Variants in USP34 observed in about 807,000 individuals in gnomAD.
USP34 encodes ubiquitin specific peptidase 34, also known as ubiquitin carboxyl-terminal hydrolase 34.
A neutral mutation model predicts 460.3 loss-of-function variants in USP34; 70 were observed. The ratio of observed to expected loss-of-function variants is 0.15; its 90% confidence interval spans 0.13 to 0.19. The LOEUF (loss-of-function observed/expected upper bound fraction) is 0.19. Ranked by LOEUF, USP34 falls within the 10% of genes least tolerant of loss-of-function variation. USP34 has a pLI of 1.00. For missense variants in USP34, 3,985 were observed against 4,236.2 expected (o/e 0.94, Z 1.65); for synonymous variants, 1,647 against 1,405.3 (o/e 1.17, Z -3.85).
chr2:61,273,714 C>CA (rs1401584763), intron 41 of USP34, among the ~76,000 whole-genome samples: 6 of 151,648 alleles, frequency 4.0e-5, no homozygotes, highest in African/African-American at 1.2e-4. Context: ...GACACTGTCT[C>CA]AAAAAACAAA....
intron 3 of USP34, among the ~76,000 whole-genome samples, chr2:61,401,430 C>G (rs533462168): frequency 7.9e-5 from 12 of 150,986 alleles, no homozygotes; most frequent in Non-Finnish European, 1.8e-4. Flanking sequence ...TAAAGATGAG[C>G]TCTTGCTATG....
intron 48 of USP34, among the ~76,000 whole-genome samples, chr2:61,254,094 G>A (rs971798412): frequency 6.6e-6 from 1 of 152,160 alleles, no homozygotes; most frequent in Non-Finnish European, 1.5e-5. Context: ...CGACAATGTT[G>A]CTTCTATTCC....
intron 1 of USP34, among the ~76,000 whole-genome samples, chr2:61,458,031 TATTTTAAA>T (rs1695488151): frequency 6.6e-6 from 1 of 152,196 alleles, no homozygotes; most frequent in Admixed American, 6.6e-5. Context: ...ATTTTTCAGA[TATTTTAAA>T]TAAACACTGA....
intron 48 of USP34, 84 bp downstream of exon 48, chr2:61,256,300 A>C (rs984921002): frequency 2.3e-5 from 29 of 1,263,218 alleles, no homozygotes; most frequent in Non-Finnish European, 3.3e-5. Context: ...TATAATTTCC[A>C]CCAAAGTTTA....
intron 8 of USP34, among the ~76,000 whole-genome samples, chr2:61,377,099 G>T (rs1692821091): frequency 6.6e-6 from 1 of 152,154 alleles, no homozygotes; most frequent in Non-Finnish European, 1.5e-5. Flanking sequence ...TGCCAGAGAT[G>T]AATAACTCAT....
intron 27 of USP34, among the ~76,000 whole-genome samples, chr2:61,302,314 A>C (rs549258619): frequency 6.6e-6 from 1 of 152,354 alleles, no homozygotes; most frequent in East Asian, 1.9e-4. Context: ...ATGACACATA[A>C]CATTTTAAAA....
At chr2:61,417,149 C>G (rs761931006) in intron 2 of USP34, 147 of 1,576,674 alleles carry the variant, frequency 9.3e-5, no homozygotes, top group Admixed American at 1.7e-4. Context: ...ACCCTGGCCA[C>G]AGTGCCCTGG....
At chr2:61,413,962 T>TA (rs1694123315) in intron 2 of USP34, among the ~76,000 whole-genome samples, 1 of 145,342 alleles carries the variant, frequency 6.9e-6, no homozygotes, top group African/African-American at 2.5e-5. Context: ...AAATTAAAAA[T>TA]AAAAAAACAA....
intron 5 of USP34, among the ~76,000 whole-genome samples, chr2:61,384,775 ATAC>A (rs752615055): frequency 2.6e-4 from 39 of 152,158 alleles, no homozygotes; most frequent in Non-Finnish European, 4.7e-4. Flanking sequence ...CCTGTAGTAA[ATAC>A]TACGTTAATG....
rs1348616163 is a variant in USP34, at chr2:61,229,481, A to AAC, written c.7199+66_7199+67insGT. On this transcript the variant is annotated intron_variant, in intron 59 of 79. Transcript: ENST00000398571. ...TTAAAAAAAAAAAAAAAAAACAAAA[A>AAC]AAAAAAACAAAAACACCACACACAC... 3.3e-5 allele frequency: 26 copies of AAC among 795,498 alleles called. 1 individual carries two copies. Among genetic ancestry groups the AAC allele is most frequent in the Non-Finnish European group, 4.2e-5 (25 of 591,842 alleles). 49.3% of individuals were successfully genotyped at this position (795,498 alleles called of 1,614,324 possible). A position where few individuals can be genotyped will look rare whatever the true frequency, so the allele number is the denominator to read the frequency against.
chr2:61,309,035 AAAC>A (rs568927718), intron 27 of USP34, among the ~76,000 whole-genome samples: 57 of 151,378 alleles, frequency 3.8e-4, no homozygotes, highest in Admixed American at 1.5e-3. Context: ...ACTATCTCAA[AAAC>A]AACAACAACA....
intron 78 of USP34, chr2:61,189,674 A>T (rs944630851): frequency 5.9e-5 from 9 of 152,412 alleles, no homozygotes; most frequent in Middle Eastern, 3.2e-3. Context: ...TGGAAAAGGA[A>T]ATATAAGAAT....
At chr2:61,281,909 A>C (rs374356974) in intron 37 of USP34, among the ~76,000 whole-genome samples, 4 of 152,352 alleles carry the variant, frequency 2.6e-5, no homozygotes. Flanking sequence ...ATAGATTGTA[A>C]GCAAACTGTC....
At chr2:61,251,146 T>A (rs570372257) in intron 48 of USP34, among the ~76,000 whole-genome samples, 42 of 151,916 alleles carry the variant, frequency 2.8e-4, no homozygotes, top group East Asian at 1.2e-3. Context: ...TCAAAAAAAA[T>A]AAATAAATAA....
chr2:61,211,761 C>T lies in USP34; in HGVS notation c.8840+11G>A, dbSNP rs748514504. ...GAAATAAACAAGACAAAACTAAAAACATCTTTTTACCTTATTAAAGTAGTC... is the reference window on the plus strand; with the variant it reads ...GAAATAAACAAGACAAAACTAAAAATATCTTTTTACCTTATTAAAGTAGTC... On this transcript the variant is annotated intron_variant, in intron 69 of 79. Transcript: ENST00000398571. 30 of 1,549,492 alleles carry T rather than the reference C, an allele frequency of 1.9e-5. No individual in the cohort carries two copies. The highest frequency in any genetic ancestry group is 2.3e-5 in the Admixed American group (1 of 42,712).
At chr2:61,361,624 G>GA (rs397933734) in intron 10 of USP34, among the ~76,000 whole-genome samples, 1 of 151,826 alleles carries the variant, frequency 6.6e-6, no homozygotes, top group African/African-American at 2.4e-5. Flanking sequence ...AATGAAACTG[G>GA]ATCCTTATCT....
intron 1 of USP34, among the ~76,000 whole-genome samples, chr2:61,446,506 G>C (rs567113089): frequency 2.6e-5 from 4 of 152,254 alleles, no homozygotes; most frequent in African/African-American, 9.6e-5. Flanking sequence ...TTAAAATCCA[G>C]TGATGTAGGC....
chr2:61,437,062 A>T (rs1694833904), intron 1 of USP34, among the ~76,000 whole-genome samples: 2 of 152,194 alleles, frequency 1.3e-5, no homozygotes, highest in South Asian at 4.1e-4. Flanking sequence ...CTAAGAGGGA[A>T]GTTTATAGTA....
intron 27 of USP34, among the ~76,000 whole-genome samples, chr2:61,310,815 A>T (rs990878050): frequency 3.9e-5 from 6 of 152,114 alleles, no homozygotes; most frequent in African/African-American, 1.4e-4. Context: ...TACATGAAAA[A>T]AACTATTGGG....
Sources: allele counts gnomAD v4.1 joint callset (sites outside exome capture counted in the v4.1 genomes callset), GRCh38; gene constraint gnomAD v4.1.1; transcripts MANE v1.5; gene names NCBI Gene and HGNC (gene_info 2026-07-23, HGNC 2026-07-21).